Variants in RBFOX1 observed in about 807,000 individuals in gnomAD.
The protein encoded by RBFOX1 is RNA binding protein fox-1 homolog 1.
A neutral mutation model predicts 57.7 loss-of-function variants in RBFOX1; 8 were observed. That is an observed-to-expected ratio of 0.14 (90% confidence interval 0.08 to 0.25). RBFOX1 has a LOEUF of 0.25. RBFOX1 is among the 10% of genes least tolerant of loss of function. RBFOX1 has a pLI of 1.00. For synonymous variants in RBFOX1, 326 were observed against 222.4 expected, an observed-to-expected ratio of 1.47 and a Z score of -4.15; for missense variants, 611 against 548.5, an observed-to-expected ratio of 1.11 and a Z score of -1.14.
intron 4 of RBFOX1, among the ~76,000 whole-genome samples, chr16:7,386,875 C>G (rs901333482): frequency 6.6e-6 from 1 of 152,156 alleles, no homozygotes; most frequent in Non-Finnish European, 1.5e-5. Flanking sequence ...TTCTCCACAT[C>G]CTCTCCAGCA....
At chr16:6,374,928 G>A (rs1233032487) in intron 2 of RBFOX1, among the ~76,000 whole-genome samples, 3 of 152,208 alleles carry the variant, frequency 2.0e-5, no homozygotes, top group African/African-American at 4.8e-5. Context: ...ATTCCTGTTA[G>A]CAACTGGCAG....
intron 3 of RBFOX1, among the ~76,000 whole-genome samples, chr16:6,856,518 A>G (rs2057932605): frequency 6.6e-6 from 1 of 152,136 alleles, no homozygotes; most frequent in Non-Finnish European, 1.5e-5. Context: ...TCAAATTGGT[A>G]AGAAAGGAAA....
chr16:5,999,076 G>T (rs145795098), intron 4 of RBFOX1, among the ~76,000 whole-genome samples: 19 of 152,310 alleles, frequency 1.2e-4, no homozygotes, highest in African/African-American at 2.6e-4. Flanking sequence ...GAGCATGACA[G>T]AGTTGTTGAG....
In RBFOX1 at chr16:5,542,029, C is replaced by G. The variant is rs57724475; in HGVS notation, c.259-56873C>G. Among the ~76,000 whole-genome samples, 1,389 of 152,176 alleles carry G rather than the reference C, an allele frequency of 9.1e-3. 20 individuals carry two copies. Among genetic ancestry groups the G allele is most frequent in the African/African-American group, 0.031 (1,290 of 41,510 alleles). On this transcript the variant is annotated intron_variant, in intron 2 of 2. Coordinates refer to the RBFOX1 transcript ENST00000585867. The stretch of plus-strand genomic sequence containing the variant: ...AAAGGAACTGCTGTTCACTTGCGAT[C>G]AAAATATATACTGATTTTCTTTAAA...
At chr16:6,248,613 G>A (rs2152939905) in intron 1 of RBFOX1, among the ~76,000 whole-genome samples, 1 of 152,190 alleles carries the variant, frequency 6.6e-6, no homozygotes, top group Non-Finnish European at 1.5e-5. Context: ...TTCCTCCAGG[G>A]TTTTTATTCA....
At chr16:5,939,974 C>A (rs1225460442) in intron 4 of RBFOX1, among the ~76,000 whole-genome samples, 1 of 152,130 alleles carries the variant, frequency 6.6e-6, no homozygotes, top group Non-Finnish European at 1.5e-5. Flanking sequence ...GGTTATTTAC[C>A]CTCTCTGAGC....
intron 4 of RBFOX1, among the ~76,000 whole-genome samples, chr16:5,901,612 G>C (rs1056129110): frequency 1.3e-5 from 2 of 152,190 alleles, no homozygotes; most frequent in South Asian, 4.1e-4. Flanking sequence ...CAAGCAGTCA[G>C]AGGCCTCATG....
chr16:5,899,673 C>T (rs2058259755), intron 4 of RBFOX1, among the ~76,000 whole-genome samples: 2 of 152,176 alleles, frequency 1.3e-5, no homozygotes, highest in African/African-American at 2.4e-5. Context: ...ATTATCAAAG[C>T]TGGAGAGTCT....
Position 7,711,237 on chromosome 16 carries a change from A to G in RBFOX1, c.*492A>G, listed in dbSNP as rs1237720343. On this transcript the variant is annotated 3_prime_UTR_variant, in exon 16 of 16. Coordinates refer to ENST00000550418, the MANE Select transcript of RBFOX1 (RefSeq NM_018723.4). Reference sequence around the variant, plus strand: ...GGGGTTTGGCTGAAAGAAAAAAAAAAAAATGTAACTGATGAATCTAAACGA... The same window carrying G: ...GGGGTTTGGCTGAAAGAAAAAAAAAGAAATGTAACTGATGAATCTAAACGA... The G allele has an allele frequency of 6.6e-6, 1 of 152,396 alleles. No individual in the cohort carries two copies. Among genetic ancestry groups the G allele is most frequent in the Non-Finnish European group, 1.5e-5 (1 of 68,096 alleles). 9.4% of individuals were successfully genotyped at this position (152,396 alleles called of 1,614,324 possible).
chr16:6,215,290 G>A (rs1197223365), intron 1 of RBFOX1, among the ~76,000 whole-genome samples: 1 of 137,986 alleles, frequency 7.2e-6, no homozygotes, highest in Admixed American at 7.2e-5. Context: ...AAAAGGAGAG[G>A]GAGAGGGAGA....
At chr16:6,011,810 C>G (rs141916182) in intron 4 of RBFOX1, among the ~76,000 whole-genome samples, 1 of 152,122 alleles carries the variant, frequency 6.6e-6, no homozygotes, top group African/African-American at 2.4e-5. Flanking sequence ...AAGTTGGAGA[C>G]GAGGAGGTTG....
chr16:5,411,342 G>C (rs898707717), intron 1 of RBFOX1, among the ~76,000 whole-genome samples: 1 of 152,186 alleles, frequency 6.6e-6, no homozygotes, highest in African/African-American at 2.4e-5. Context: ...AGCAGAGTCA[G>C]AGTCTGAATG....
chr16:6,878,742 C>T (rs149713417), intron 3 of RBFOX1, among the ~76,000 whole-genome samples: 1 of 152,034 alleles, frequency 6.6e-6, no homozygotes, highest in East Asian at 1.9e-4. Context: ...CTGATATATC[C>T]CATGAGAGTT....
chr16:7,386,612 A>G (rs1249752642), intron 4 of RBFOX1, among the ~76,000 whole-genome samples: 1 of 151,732 alleles, frequency 6.6e-6, no homozygotes. Flanking sequence ...CATTTTCTTT[A>G]TTCAGTCTTT....
intron 4 of RBFOX1, among the ~76,000 whole-genome samples, chr16:7,285,147 C>T (rs2095624690): frequency 7.4e-6 from 1 of 136,008 alleles, no homozygotes; most frequent in Non-Finnish European, 1.5e-5. Flanking sequence ...CCACAATGGG[C>T]CTCAGAAAAT....
intron 1 of RBFOX1, among the ~76,000 whole-genome samples, chr16:6,086,606 G>T (rs7195500): frequency 0.074 from 11,280 of 152,194 alleles, 577 homozygotes; most frequent in East Asian, 0.22. Context: ...GACTGGGCTG[G>T]GGGCGCATGC....
At chr16:6,943,373 C>G (rs1239279891) in intron 3 of RBFOX1, among the ~76,000 whole-genome samples, 1 of 152,142 alleles carries the variant, frequency 6.6e-6, no homozygotes, top group Non-Finnish European at 1.5e-5. Flanking sequence ...GAGCTGTCAG[C>G]TAGCTTAATA....
intron 3 of RBFOX1, among the ~76,000 whole-genome samples, chr16:6,715,638 C>T (rs1245760953): frequency 6.6e-6 from 1 of 152,122 alleles, no homozygotes; most frequent in East Asian, 1.9e-4. Flanking sequence ...GCCTCATCTC[C>T]TATCCGGATA....
exon 1 of RBFOX1, chr16:5,240,072 G>A (rs760870590): frequency 2.5e-5 from 39 of 1,532,070 alleles, no homozygotes; most frequent in Non-Finnish European, 3.4e-5. Flanking sequence ...GCAGGGAGGA[G>A]ACCGGCACCC....
Sources: gnomAD v4.1 joint callset for allele counts (sites outside exome capture counted in the v4.1 genomes callset) on GRCh38, gnomAD v4.1.1 for gene constraint, MANE v1.5 for transcripts, NCBI Gene and HGNC (gene_info 2026-07-23, HGNC 2026-07-21) for gene names.